Variants in VAT1L observed in about 807,000 individuals in gnomAD.
VAT1L encodes vesicle amine transport 1 like.
A neutral mutation model predicts 44.1 loss-of-function variants in VAT1L; 34 were observed. That is an observed-to-expected ratio of 0.77 (90% confidence interval 0.59 to 1.03). The LOEUF is 1.03. Among genes scored for constraint, VAT1L ranks in the 50% least tolerant of loss-of-function variants. The pLI is 0.00. For missense variants in VAT1L, 615 were observed against 538.8 expected (o/e 1.14, Z -1.40); for synonymous variants, 253 against 202.2 (o/e 1.25, Z -2.13).
chr16:77,938,115 G>A (rs1045447310), intron 7 of VAT1L, among the ~76,000 whole-genome samples: 1 of 152,172 alleles, frequency 6.6e-6, no homozygotes, highest in Non-Finnish European at 1.5e-5. Context: ...ACCAGTTCCT[G>A]AGCTCCACTT....
intron 7 of VAT1L, among the ~76,000 whole-genome samples, chr16:77,951,584 C>T (rs971317206): frequency 4.6e-5 from 7 of 151,916 alleles, no homozygotes; most frequent in Admixed American, 1.3e-4. Context: ...AGTATGAGTG[C>T]GTGTATATTC....
chr16:77,904,662 G>A (rs982856461), intron 7 of VAT1L, among the ~76,000 whole-genome samples: 2 of 152,156 alleles, frequency 1.3e-5, no homozygotes, highest in Non-Finnish European at 2.9e-5. Context: ...CGTGAAATTA[G>A]GGAGAACAAT....
At chr16:77,937,562 G>C (rs535772134) in intron 7 of VAT1L, among the ~76,000 whole-genome samples, 2 of 152,372 alleles carry the variant, frequency 1.3e-5, no homozygotes, top group East Asian at 1.9e-4. Flanking sequence ...CTTATAGTTA[G>C]AAGAGAAGTG....
rs186724145 is a variant in VAT1L, at chr16:77,879,638, G to A, written c.882+414G>A. On this transcript the variant is annotated intron_variant, in intron 6 of 8. Coordinates refer to ENST00000302536, the MANE Select transcript of VAT1L (RefSeq NM_020927.3). This position sits in a 1 kb window ranked among gnomAD's most constrained non-coding sequence, Gnocchi z 4.1. ...CTTAATCTTGTCTTTCAATTTCCTC[G>A]TTCATTTCCCATAAAACCTGCACTC... 2.8e-4 allele frequency among the ~76,000 whole-genome samples: 42 copies of A among 152,172 alleles called. No homozygotes were observed. Among genetic ancestry groups the A allele is most frequent in the East Asian group, 9.7e-4 (5 of 5,154 alleles).
At chr16:77,872,000 AG>A (rs1420588486) in intron 4 of VAT1L, among the ~76,000 whole-genome samples, 1 of 152,136 alleles carries the variant, frequency 6.6e-6, no homozygotes, top group Non-Finnish European at 1.5e-5. Flanking sequence ...ATGGACCCAG[AG>A]CTTACCATGA....
At chr16:77,904,445 G>A (rs373540835) in intron 7 of VAT1L, among the ~76,000 whole-genome samples, 1 of 152,254 alleles carries the variant, frequency 6.6e-6, no homozygotes, top group African/African-American at 2.4e-5. Context: ...CAGCTAATTT[G>A]GTTCCTGGTA....
At chr16:77,922,781 A>AC (rs1167862305) in intron 7 of VAT1L, among the ~76,000 whole-genome samples, 1 of 151,672 alleles carries the variant, frequency 6.6e-6, no homozygotes, top group Non-Finnish European at 1.5e-5. Flanking sequence ...GAGGGCTGAA[A>AC]CCCCCTCCCC....
chr16:77,977,973 C>G lies in VAT1L; in HGVS notation c.*278C>G, dbSNP rs966639965. 2.4e-4 allele frequency: 84 copies of G among 345,852 alleles called. No homozygotes were observed. The highest frequency in any genetic ancestry group is 4.1e-4 in the Non-Finnish European group (75 of 183,858). The allele number at this position is 345,852 out of a possible 1,614,324, so 21.4% of individuals were successfully genotyped here. A position where few individuals can be genotyped will look rare whatever the true frequency, so the allele number is the denominator to read the frequency against. On this transcript the variant is annotated 3_prime_UTR_variant, in exon 9 of 9. Coordinates refer to ENST00000302536, the MANE Select transcript of VAT1L (RefSeq NM_020927.3). ...TGGGTTCTTCTTGACAGTTCTAGAA[C>G]AGCCTTGCAAATTAATACAAGTCCC... is the stretch of plus-strand genomic sequence containing the variant.
At chr16:77,953,513 A>C (rs544687508) in intron 7 of VAT1L, among the ~76,000 whole-genome samples, 1 of 152,206 alleles carries the variant, frequency 6.6e-6, no homozygotes, top group South Asian at 2.1e-4. Context: ...CATTTGACAG[A>C]ACACCTATTT....
chr16:77,799,722 A>C (rs1164772032), intron 1 of VAT1L, among the ~76,000 whole-genome samples: 2 of 152,154 alleles, frequency 1.3e-5, no homozygotes, highest in South Asian at 4.1e-4. Context: ...TCGGAGGGGA[A>C]CTGGAGAAGT....
chr16:77,946,279 C>CTTTTTTTTTTTTTCTTTTTTT (rs2017964209), intron 7 of VAT1L, among the ~76,000 whole-genome samples: 1 of 70,428 alleles, frequency 1.4e-5, no homozygotes, highest in Non-Finnish European at 2.5e-5. Context: ...GTTACTTGTT[C>CTTTTTTTTTTTTTCTTTTTTT]TTTTTTTTTT....
chr16:77,951,811 G>T (rs1284066092), intron 7 of VAT1L, among the ~76,000 whole-genome samples: 2 of 143,372 alleles, frequency 1.4e-5, no homozygotes. Flanking sequence ...TTCTGTATCT[G>T]TGTTTTACAA....
chr16:77,864,440 C>G (rs541393275), intron 4 of VAT1L, among the ~76,000 whole-genome samples: 49 of 150,662 alleles, frequency 3.3e-4, no homozygotes, highest in African/African-American at 1.1e-3. Context: ...CTGTGCCCCC[C>G]CACAAAAATA....
At chr16:77,792,431 T>C (rs1010568987) in intron 1 of VAT1L, among the ~76,000 whole-genome samples, 1 of 151,994 alleles carries the variant, frequency 6.6e-6, no homozygotes, top group East Asian at 1.9e-4. Context: ...GAAAGTGTGC[T>C]TTTAGAACTA....
chr16:77,835,350 A>G (rs1287906958), intron 3 of VAT1L, among the ~76,000 whole-genome samples: 1 of 152,008 alleles, frequency 6.6e-6, no homozygotes, highest in Non-Finnish European at 1.5e-5. Context: ...GTCTTTCCAG[A>G]TTTTTTGGCT....
At chr16:77,946,279 C>CTTTTTTTTATTTTTTTTTTT (rs2017963874) in intron 7 of VAT1L, among the ~76,000 whole-genome samples, 1 of 70,428 alleles carries the variant, frequency 1.4e-5, no homozygotes, top group African/African-American at 5.3e-5. Context: ...GTTACTTGTT[C>CTTTTTTTTATTTTTTTTTTT]TTTTTTTTTT....
At chr16:77,923,956 C>A (rs535687735) in intron 7 of VAT1L, among the ~76,000 whole-genome samples, 1 of 152,230 alleles carries the variant, frequency 6.6e-6, no homozygotes, top group South Asian at 2.1e-4. Flanking sequence ...CCTTCCCCCC[C>A]TCCCTTCCCC....
intron 1 of VAT1L, among the ~76,000 whole-genome samples, chr16:77,792,334 A>G (rs1368477487): frequency 6.6e-6 from 1 of 152,164 alleles, no homozygotes; most frequent in African/African-American, 2.4e-5. Flanking sequence ...CATGAGTCCC[A>G]GCTCTGATAC....
chr16:77,802,823 A>G (rs1391937021), intron 1 of VAT1L, among the ~76,000 whole-genome samples: 1 of 152,026 alleles, frequency 6.6e-6, no homozygotes, highest in Non-Finnish European at 1.5e-5. Flanking sequence ...TTTCTTGGCA[A>G]TCTTTATTCA....
Sources: gnomAD v4.1 joint callset for allele counts (sites outside exome capture counted in the v4.1 genomes callset) on GRCh38, gnomAD v4.1.1 for gene constraint, Gnocchi (gnomAD v3.1) non-coding constraint, MANE v1.5 for transcripts, NCBI Gene and HGNC (gene_info 2026-07-23, HGNC 2026-07-21) for gene names.